STAG1: variants seen among roughly 807,000 people sequenced by gnomAD.
STAG1 encodes cohesin subunit SA-1.
In STAG1, 26 loss-of-function variants were observed where a neutral mutation model predicts 170.9. The observed-to-expected ratio is 0.15, with a 90% CI of 0.11 to 0.21. STAG1 has a LOEUF of 0.21. Ranked by LOEUF, STAG1 falls within the 10% of genes least tolerant of loss-of-function variation. The pLI, the probability that STAG1 is intolerant of heterozygous loss-of-function variation, is 1.00. For missense variants in STAG1, 964 were observed against 1,509.5 expected (o/e 0.64, Z 5.99); for synonymous variants, 514 against 497.7 (o/e 1.03, Z -0.44).
At chr3:136,366,416 G>A (rs1937075365) in intron 25 of STAG1, among the ~76,000 whole-genome samples, 1 of 152,084 alleles carries the variant, frequency 6.6e-6, no homozygotes, top group South Asian at 2.1e-4. Context: ...CAGAAATCAT[G>A]TCTTACTTAA....
rs1258536071 is a variant in STAG1, at chr3:136,349,228, A to G, written c.3201T>C (p.Ser1067=). The change falls in exon 29 of 34, where the codon AGT becomes AGC. Residue 1067 remains serine (S), a synonymous_variant. Transcript: ENST00000383202. ...TTACTGATGAGGTTTTGCTGCTGCT[A>G]CTTCCACTGTTCACAGACATTCTAT... is the stretch of plus-strand genomic sequence containing the variant. ...EDDRMSVNSG[S]SSSKTSSVRN... 3 of 1,613,992 alleles carry G rather than the reference A, an allele frequency of 1.9e-6. No individual in the cohort carries two copies. Among genetic ancestry groups the G allele is most frequent in the East Asian group, 2.2e-5 (1 of 44,876 alleles).
At chr3:136,535,675 C>A (rs1243607402) in intron 6 of STAG1, among the ~76,000 whole-genome samples, 1 of 152,046 alleles carries the variant, frequency 6.6e-6, no homozygotes, top group African/African-American at 2.4e-5. Flanking sequence ...AACAAACAAA[C>A]AAGTAAACAA....
intron 21 of STAG1, among the ~76,000 whole-genome samples, chr3:136,414,689 T>C (rs909276176): frequency 6.6e-6 from 1 of 152,216 alleles, no homozygotes; most frequent in Non-Finnish European, 1.5e-5. Context: ...TCAATTTTCT[T>C]GCCCAGATGC....
intron 1 of STAG1, 33 bp from the exon 2 acceptor site, chr3:136,631,014 TA>T: frequency 9.7e-7 from 1 of 1,033,700 alleles, no homozygotes; most frequent in Non-Finnish European, 1.4e-6. Flanking sequence ...TATTTTAAAA[TA>T]AAATGAGGAT....
At chr3:136,623,387 T>C (rs73863637) in intron 2 of STAG1, 139 bp from the exon 3 acceptor site, 2 of 590,058 alleles carry the variant, frequency 3.4e-6, no homozygotes, top group Non-Finnish European at 5.6e-6. Context: ...TCTAGCAAAC[T>C]AAAAATGTTA....
At position 136,341,556 on chromosome 3, in the gene STAG1, G is replaced by C. The variant is rs1389190680; in HGVS notation, c.3447-5C>G. On this transcript the variant is annotated splice_region_variant and splice_polypyrimidine_tract_variant and intron_variant, in intron 30 of 33. Coordinates refer to ENST00000383202, the MANE Select transcript of STAG1 (RefSeq NM_005862.3). ...CAAGAGATCTGCATCTGAGGACTAA[G>C]AGAGGGTACTATTATTAATTTTGTA... is the stretch of plus-strand genomic sequence containing the variant. 2 of 1,574,746 alleles carry C rather than the reference G, an allele frequency of 1.3e-6. No individual in the cohort carries two copies. Among genetic ancestry groups the C allele is most frequent in the South Asian group, 1.1e-5 (1 of 90,124 alleles).
intron 16 of STAG1, among the ~76,000 whole-genome samples, chr3:136,424,553 C>G (rs937031780): frequency 6.6e-6 from 1 of 151,736 alleles, no homozygotes; most frequent in Admixed American, 6.6e-5. Context: ...CAGGCTGGTC[C>G]AACTCCTGAC....
intron 21 of STAG1, among the ~76,000 whole-genome samples, chr3:136,415,322 A>C (rs1159760844): frequency 1.7e-5 from 1 of 58,862 alleles, no homozygotes; most frequent in African/African-American, 5.8e-5. Context: ...TAAAAAAAAA[A>C]CAAAAGACAA....
rs147368586 is a variant in STAG1 at position 136,573,480 on chromosome 3, A to G, written c.298-4619T>C. On this transcript the variant is annotated intron_variant, in intron 4 of 33. Coordinates refer to ENST00000383202, the MANE Select transcript of STAG1 (RefSeq NM_005862.3). ...AGAATAATGACACACTTCCCATCAA[A>G]AACAATGCAAACCCATGGATAATAC... Among the ~76,000 whole-genome samples the G allele has an allele frequency of 2.9e-4, 44 of 152,316 alleles. No individual in the cohort carries two copies. The East Asian group carries it at 5.8e-3, about 20-fold the overall frequency.
chr3:136,523,152 C>T (rs1049401119), intron 6 of STAG1, among the ~76,000 whole-genome samples: 6 of 152,176 alleles, frequency 3.9e-5, no homozygotes, highest in Non-Finnish European at 5.9e-5. Flanking sequence ...ACACTGTCTT[C>T]CACAATGGTT....
chr3:136,338,613 T>A (rs546124405), intron 32 of STAG1, among the ~76,000 whole-genome samples, 163 bp from the exon 33 acceptor site: 87 of 152,368 alleles, frequency 5.7e-4, no homozygotes, highest in African/African-American at 1.8e-3. Context: ...ATAGATTTTT[T>A]AAAAACAAAC....
intron 13 of STAG1, among the ~76,000 whole-genome samples, chr3:136,463,735 A>ATG (rs140989476): frequency 0.13 from 13,037 of 101,010 alleles, 799 homozygotes; most frequent in Middle Eastern, 0.17. Context: ...AAATGTGTAT[A>ATG]TGTGTGTGTG....
At chr3:136,428,123 A>G (rs905072213) in intron 16 of STAG1, among the ~76,000 whole-genome samples, 29 of 152,066 alleles carry the variant, frequency 1.9e-4, no homozygotes, top group African/African-American at 6.8e-4. Flanking sequence ...ATTAGTAAGG[A>G]AGAGAGGTGA....
intron 14 of STAG1, among the ~76,000 whole-genome samples, chr3:136,444,208 G>C (rs991157877): frequency 6.6e-6 from 1 of 152,046 alleles, no homozygotes; most frequent in African/African-American, 2.4e-5. Flanking sequence ...CGAGTAGCTG[G>C]GATTACAGGC....
At chr3:136,401,733 T>C (rs1272537019) in intron 21 of STAG1, among the ~76,000 whole-genome samples, 1 of 152,178 alleles carries the variant, frequency 6.6e-6, no homozygotes, top group African/African-American at 2.4e-5. Context: ...AAACGATGTA[T>C]CTTTTCGCAA....
intron 1 of STAG1, among the ~76,000 whole-genome samples, chr3:136,640,866 G>C (rs1164772835): frequency 1.3e-5 from 2 of 151,638 alleles, no homozygotes; most frequent in East Asian, 3.9e-4. Flanking sequence ...GTAGAGACGA[G>C]GTTTTGCCAT....
chr3:136,471,261 T>C (rs927556691), intron 12 of STAG1, among the ~76,000 whole-genome samples: 1 of 152,150 alleles, frequency 6.6e-6, no homozygotes, highest in African/African-American at 2.4e-5. Context: ...AGCATTTTCA[T>C]GCATAAGTGA....
chr3:136,528,875 A>T (rs1935215499), intron 6 of STAG1, among the ~76,000 whole-genome samples: 1 of 152,042 alleles, frequency 6.6e-6, no homozygotes, highest in Admixed American at 6.6e-5. Flanking sequence ...GGTTGCAGTG[A>T]GCCAAGATCA....
intron 22 of STAG1, among the ~76,000 whole-genome samples, chr3:136,385,997 TAGCC>T (rs2086863145): frequency 1.3e-5 from 2 of 152,198 alleles, no homozygotes. Context: ...CCACCATGCT[TAGCC>T]AAGAAGAGAA....
Sources: allele counts gnomAD v4.1 joint callset (sites outside exome capture counted in the v4.1 genomes callset), GRCh38; gene constraint gnomAD v4.1.1; transcripts MANE v1.5; gene names NCBI Gene and HGNC (gene_info 2026-07-23, HGNC 2026-07-21).